TTC39B: variants seen among roughly 807,000 people sequenced by gnomAD.
TTC39B encodes tetratricopeptide repeat protein 39B.
TTC39B carries 92 observed loss-of-function variants against 96.6 expected under a neutral mutation model. That is an observed-to-expected ratio of 0.95 (90% CI 0.80 to 1.13). The LOEUF (loss-of-function observed/expected upper bound fraction) is 1.13. TTC39B is among the 50% of genes most tolerant of loss of function. The pLI is 0.00. For missense variants in TTC39B, 955 were observed against 809.3 expected (o/e 1.18, Z -2.18); for synonymous variants, 367 against 299.4 (o/e 1.23, Z -2.33).
intron 5 of TTC39B, among the ~76,000 whole-genome samples, 167 bp downstream of exon 5, chr9:15,211,099 A>G (rs1820169840): frequency 6.6e-6 from 1 of 151,902 alleles, no homozygotes; most frequent in South Asian, 2.1e-4. Context: ...GAAAAGTGGA[A>G]TATGTAGATG....
intron 6 of TTC39B, among the ~76,000 whole-genome samples, chr9:15,204,650 A>G (rs773420866): frequency 6.6e-6 from 1 of 152,230 alleles, no homozygotes; most frequent in Non-Finnish European, 1.5e-5. Context: ...AACCAGACAC[A>G]TTAGCTACCT....
At chr9:15,204,139 C>T (rs1450312010) in intron 6 of TTC39B, among the ~76,000 whole-genome samples, 1 of 152,134 alleles carries the variant, frequency 6.6e-6, no homozygotes, top group Non-Finnish European at 1.5e-5. Context: ...TCAGTCACTT[C>T]GTATCAGAGA....
At chr9:15,269,344 C>T (rs994194507) in intron 1 of TTC39B, among the ~76,000 whole-genome samples, 3 of 152,190 alleles carry the variant, frequency 2.0e-5, no homozygotes, top group South Asian at 4.1e-4. Context: ...CCAGGGTTTG[C>T]TCAATAAATA....
At chr9:15,171,854 A>T (rs1433157068) in exon 20 of TTC39B, 4 of 448,194 alleles carry the variant, frequency 8.9e-6, no homozygotes, top group Non-Finnish European at 1.6e-5. Flanking sequence ...AGGAAAAAAA[A>T]TTATGTAGAC....
In TTC39B at chr9:15,188,109, G is replaced by A. The variant is rs192997470; in HGVS notation, c.1257C>T (p.Cys419=). The A allele has an allele frequency of 1.8e-5, 29 of 1,603,348 alleles. 1 individual carries two copies. Among genetic ancestry groups the A allele is most frequent in the South Asian group, 5.6e-5 (5 of 88,618 alleles). ...GTTTCCATTCTTCTTGAACTGAAAT[G>A]CATTTTTGAAATACTTCTTGTGCCT... The change falls in exon 14 of 20, where the codon TGC becomes TGT. Residue 419 remains cysteine, a synonymous_variant. Coordinates refer to ENST00000512701, the Ensembl canonical transcript of TTC39B.
rs997113457 is a variant in TTC39B at position 15,306,593 on chromosome 9, C to G, written c.240+491G>C. Among the ~76,000 whole-genome samples, 1 of 152,324 alleles carries G rather than the reference C, an allele frequency of 6.6e-6. No homozygotes were observed. The highest frequency in any genetic ancestry group is 1.5e-5 in the Non-Finnish European group (1 of 68,030). ...CTCTACTCATTGTTCCTCAGGCTGC[C>G]CCCTCTTTTCATCAATCGTAAGCCT... On this transcript the variant is annotated intron_variant, in intron 1 of 19. Coordinates refer to ENST00000512701, the Ensembl canonical transcript of TTC39B. This position sits in a 1 kb window ranked among gnomAD's most constrained non-coding sequence, Gnocchi z 5.1.
chr9:15,164,700 T>C (rs1019829198), exon 20 of TTC39B: 1 of 151,674 alleles, frequency 6.6e-6, no homozygotes, highest in Non-Finnish European at 1.5e-5. Flanking sequence ...CAGAAATGAG[T>C]CAGTTTTCAT....
At chr9:15,190,327 T>C (rs1016172616) in intron 11 of TTC39B, among the ~76,000 whole-genome samples, 6 of 152,084 alleles carry the variant, frequency 3.9e-5, no homozygotes, top group African/African-American at 1.5e-4. Context: ...TAATCAACTT[T>C]ATGTTTTGTC....
intron 2 of TTC39B, among the ~76,000 whole-genome samples, chr9:15,229,868 C>T (rs533266738): frequency 6.6e-6 from 1 of 152,264 alleles, no homozygotes; most frequent in South Asian, 2.1e-4. Context: ...ATTACACCTA[C>T]ATTCTTGTTT....
At position 15,214,261 on chromosome 9, in the gene TTC39B, G is replaced by T; in HGVS notation, c.372-12C>A. The T allele has an allele frequency of 1.9e-6, 3 of 1,600,916 alleles. No homozygotes were observed. Among genetic ancestry groups the T allele is most frequent in the Non-Finnish European group, 2.6e-6 (3 of 1,169,504 alleles). Reference sequence around the variant, plus strand: ...TGGTTGATGATGAACTAAAGATCAAGAAAAAAGCACAGAGAATTTCTATAG... The same window carrying T: ...TGGTTGATGATGAACTAAAGATCAATAAAAAAGCACAGAGAATTTCTATAG... On this transcript the variant is annotated splice_polypyrimidine_tract_variant and intron_variant, in intron 3 of 19. Transcript: ENST00000512701.
At chr9:15,199,307 T>G (rs181320560) in intron 8 of TTC39B, among the ~76,000 whole-genome samples, 1 of 152,338 alleles carries the variant, frequency 6.6e-6, no homozygotes, top group Admixed American at 6.5e-5. Flanking sequence ...TAAAATTATC[T>G]AATCAGAAAT....
At chr9:15,225,531 C>G (rs961373117) in intron 3 of TTC39B, among the ~76,000 whole-genome samples, 4 of 152,124 alleles carry the variant, frequency 2.6e-5, no homozygotes, top group Non-Finnish European at 5.9e-5. Context: ...AGGAAATACA[C>G]CAAAATTCTG....
intron 13 of TTC39B, 69 bp downstream of exon 13, chr9:15,189,505 G>C (rs559748658): frequency 5.9e-6 from 9 of 1,528,100 alleles, no homozygotes; most frequent in Non-Finnish European, 8.1e-6. Context: ...GAATAAGTAG[G>C]TCACAGCGAC....
chr9:15,184,481 G>A (rs1472831784), intron 16 of TTC39B, among the ~76,000 whole-genome samples: 2 of 150,110 alleles, frequency 1.3e-5, no homozygotes, highest in Non-Finnish European at 2.9e-5. Context: ...CGGTTACACT[G>A]AACAGCTTTC....
chr9:15,205,744 A>G (rs986236970), intron 6 of TTC39B, among the ~76,000 whole-genome samples: 3 of 151,964 alleles, frequency 2.0e-5, no homozygotes, highest in African/African-American at 7.3e-5. Flanking sequence ...ATTATGAGCT[A>G]TGAAAGTCTG....
At chr9:15,166,939 A>T (rs1466393631) in exon 20 of TTC39B, 38 of 128,630 alleles carry the variant, frequency 3.0e-4, no homozygotes, top group African/African-American at 1.1e-3. Context: ...TTCAAAAATA[A>T]ATTATTCTCT....
intron 2 of TTC39B, among the ~76,000 whole-genome samples, chr9:15,245,674 T>C (rs1822241392): frequency 6.6e-6 from 1 of 152,184 alleles, no homozygotes; most frequent in Admixed American, 6.5e-5. Context: ...AGTCTTGGTT[T>C]CATACTTTCC....
intron 4 of TTC39B, among the ~76,000 whole-genome samples, chr9:15,213,877 C>T (rs1820347523): frequency 6.6e-6 from 1 of 151,990 alleles, no homozygotes; most frequent in Admixed American, 6.5e-5. Context: ...AAATTGAAGC[C>T]TTATAAAACT....
chr9:15,285,605 T>C (rs559004859), intron 1 of TTC39B, among the ~76,000 whole-genome samples: 1 of 152,066 alleles, frequency 6.6e-6, no homozygotes, highest in African/African-American at 2.4e-5. Context: ...CTGTAATCCC[T>C]GCACTTCGGG....
Sources: allele counts gnomAD v4.1 joint callset (sites outside exome capture counted in the v4.1 genomes callset), GRCh38; gene constraint gnomAD v4.1.1; non-coding constraint Gnocchi (gnomAD v3.1); transcripts MANE v1.5; gene names NCBI Gene and HGNC (gene_info 2026-07-23, HGNC 2026-07-21).